The following DNAJC3 variants were observed in gnomAD, a reference collection of about 807,000 sequenced individuals.
DNAJC3 encodes the protein DnaJ heat shock protein family (Hsp40) member C3.
Under a neutral mutation model 68.6 loss-of-function variants are expected in DNAJC3, and 38 were observed. That is an observed-to-expected ratio of 0.55 (90% CI 0.43 to 0.73). The LOEUF is 0.73. DNAJC3 is among the 30% of genes least tolerant of loss of function. The pLI is 0.00. For synonymous variants in DNAJC3, 203 were observed against 204.0 expected, an observed-to-expected ratio of 1.00 and a Z score of 0.04; for missense variants, 526 against 591.9, an observed-to-expected ratio of 0.89 and a Z score of 1.16.
At chr13:95,764,315 A>T (rs1478504612) in intron 9 of DNAJC3, among the ~76,000 whole-genome samples, 1 of 151,260 alleles carries the variant, frequency 6.6e-6, no homozygotes, top group Non-Finnish European at 1.5e-5. Context: ...CTATGCACAT[A>T]TATTACTCTA....
intron 4 of DNAJC3, among the ~76,000 whole-genome samples, chr13:95,732,292 A>C (rs1234661941): frequency 6.6e-6 from 1 of 152,152 alleles, no homozygotes; most frequent in Non-Finnish European, 1.5e-5. Context: ...TTTGGCAATG[A>C]ATCCATCCAG....
chr13:95,688,928 G>GTTTT (rs1555321774), intron 1 of DNAJC3, among the ~76,000 whole-genome samples: 826 of 46,880 alleles, frequency 0.018, 14 homozygotes, highest in African/African-American at 0.047. Flanking sequence ...GATTGTGTGG[G>GTTTT]TGTGTGTGTG....
chr13:95,737,641 T>C (rs1342693883), intron 4 of DNAJC3, among the ~76,000 whole-genome samples: 2 of 151,982 alleles, frequency 1.3e-5, no homozygotes, highest in Non-Finnish European at 2.9e-5. Flanking sequence ...GATGGTAGTT[T>C]GTATTGCTGT....
At chr13:95,722,815 G>GCCCCCCCCCCCCCCCCCC (rs759729876) in intron 2 of DNAJC3, among the ~76,000 whole-genome samples, 1 of 15,338 alleles carries the variant, frequency 6.5e-5, no homozygotes, top group Non-Finnish European at 1.1e-4. Context: ...CACCTTGTCC[G>GCCCCCCCCCCCCCCCCCC]CCCCCCCCCC....
At chr13:95,729,070 G>T (rs1300984223) in intron 4 of DNAJC3, among the ~76,000 whole-genome samples, 10 of 151,560 alleles carry the variant, frequency 6.6e-5, no homozygotes, top group Non-Finnish European at 1.5e-4. Context: ...TTGACTTTCT[G>T]TGCCTGGCTT....
At chr13:95,716,639 G>A (rs182877521) in intron 2 of DNAJC3, among the ~76,000 whole-genome samples, 148 of 152,284 alleles carry the variant, frequency 9.7e-4, no homozygotes, top group African/African-American at 3.4e-3. Context: ...GAGTGGTAAG[G>A]TGGTCTTCCT....
At chr13:95,723,426 T>G in intron 3 of DNAJC3, 60 bp downstream of exon 3, 1 of 1,568,178 alleles carries the variant, frequency 6.4e-7, no homozygotes, top group South Asian at 1.2e-5. Context: ...AGAGATAATT[T>G]GTTTCATAAG....
chr13:95,744,557 A>G lies in DNAJC3; in HGVS notation c.394-13087A>G, dbSNP rs190143928. Among the ~76,000 whole-genome samples, 139 of 152,282 alleles carry G rather than the reference A, an allele frequency of 9.1e-4. 1 individual carries two copies. The highest frequency in any genetic ancestry group is 3.2e-3 in the African/African-American group (132 of 41,558). On this transcript the variant is annotated intron_variant, in intron 4 of 11. Coordinates refer to ENST00000602402, the MANE Select transcript of DNAJC3 (RefSeq NM_006260.5). Reference sequence around the variant, plus strand: ...AGGGTACCTGGAATAGTTTGTCCAAACTCATTGTAGGACTTAAAATTCAGA... The same window carrying G: ...AGGGTACCTGGAATAGTTTGTCCAAGCTCATTGTAGGACTTAAAATTCAGA...
intron 4 of DNAJC3, among the ~76,000 whole-genome samples, chr13:95,755,994 C>G (rs1882651565): frequency 1.3e-5 from 2 of 152,100 alleles, no homozygotes; most frequent in Non-Finnish European, 1.5e-5. Flanking sequence ...ATTACCTGAG[C>G]CCTCCAGCCT....
chr13:95,681,684 C>G (rs904168989), intron 1 of DNAJC3, among the ~76,000 whole-genome samples: 1 of 152,206 alleles, frequency 6.6e-6, no homozygotes, highest in African/African-American at 2.4e-5. Context: ...GAAACAATCT[C>G]AGTCGCAAAT....
chr13:95,715,026 C>T (rs1198405868), intron 2 of DNAJC3, among the ~76,000 whole-genome samples: 3 of 152,002 alleles, frequency 2.0e-5, no homozygotes, highest in African/African-American at 7.2e-5. Flanking sequence ...ATCAGTGATG[C>T]TGAAACATGG....
intron 4 of DNAJC3, among the ~76,000 whole-genome samples, chr13:95,734,912 G>T (rs1881847954): frequency 6.8e-6 from 1 of 147,106 alleles, no homozygotes; most frequent in Non-Finnish European, 1.5e-5. Flanking sequence ...CTGGTGCGCT[G>T]CACCCACTAA....
chr13:95,703,206 C>T (rs531397552), intron 1 of DNAJC3, among the ~76,000 whole-genome samples: 1 of 152,164 alleles, frequency 6.6e-6, no homozygotes, highest in Non-Finnish European at 1.5e-5. Context: ...TTTAAAGACA[C>T]CTTACTATGT....
chr13:95,704,959 C>T (rs1047405354), intron 1 of DNAJC3, among the ~76,000 whole-genome samples: 1 of 150,708 alleles, frequency 6.6e-6, no homozygotes, highest in African/African-American at 2.4e-5. Context: ...TCAAGTGATT[C>T]TCATGCCTCA....
intron 2 of DNAJC3, among the ~76,000 whole-genome samples, chr13:95,716,625 G>A (rs1039130962): frequency 6.6e-6 from 1 of 152,174 alleles, no homozygotes; most frequent in Admixed American, 6.5e-5. Context: ...GGAAGTGGGG[G>A]ATGGAGTGGT....
intron 4 of DNAJC3, among the ~76,000 whole-genome samples, chr13:95,735,539 T>A (rs1160352154): frequency 4.0e-5 from 6 of 150,912 alleles, no homozygotes; most frequent in Non-Finnish European, 7.4e-5. Context: ...GGTATCTCAT[T>A]GTGGTTTTGA....
chr13:95,733,029 G>A (rs1288152751), intron 4 of DNAJC3, among the ~76,000 whole-genome samples: 3 of 152,062 alleles, frequency 2.0e-5, no homozygotes, highest in African/African-American at 7.2e-5. Flanking sequence ...TTAAAAATTT[G>A]TTGATACTTA....
At chr13:95,771,271 G>T (rs1883149840) in intron 9 of DNAJC3, among the ~76,000 whole-genome samples, 1 of 152,146 alleles carries the variant, frequency 6.6e-6, no homozygotes, top group Non-Finnish European at 1.5e-5. Context: ...CCTAAGGTCT[G>T]ATACCCATGC....
chr13:95,713,608 A>G (rs1336797237), intron 2 of DNAJC3, among the ~76,000 whole-genome samples: 2 of 152,202 alleles, frequency 1.3e-5, no homozygotes, highest in African/African-American at 4.8e-5. Context: ...CTAGCACTTT[A>G]TTTCATTGAA....
Sources: gnomAD v4.1 joint callset for allele counts (sites outside exome capture counted in the v4.1 genomes callset) on GRCh38, gnomAD v4.1.1 for gene constraint, MANE v1.5 for transcripts, NCBI Gene and HGNC (gene_info 2026-07-23, HGNC 2026-07-21) for gene names.